The following SLC26A5 variants were observed in gnomAD, a reference collection of about 807,000 sequenced individuals.
SLC26A5 encodes the protein prestin.
Under a neutral mutation model 81.0 loss-of-function variants are expected in SLC26A5, and 51 were observed. The ratio of observed to expected loss-of-function variants is 0.63; its 90% CI spans 0.50 to 0.80. The LOEUF (loss-of-function observed/expected upper bound fraction) is 0.80, where lower values mean the gene tolerates loss of function less well. Among genes scored for constraint, SLC26A5 ranks in the 30% least tolerant of loss-of-function variants. SLC26A5 has a pLI of 0.00. For synonymous variants in SLC26A5, 325 were observed against 332.8 expected (o/e 0.98, Z 0.25); for missense variants, 771 against 905.8 (o/e 0.85, Z 1.91).
intron 19 of SLC26A5, chr7:103,362,271 GCTGACTCCCCTACTCCCA>G: frequency 7.1e-7 from 1 of 1,412,250 alleles, no homozygotes; most frequent in Non-Finnish European, 9.2e-7. Context: ...CATCGGCTTC[GCTGACTCCCCTACTCCCA>G]CTGTTGTTTA....
chr7:103,412,183 T>C (rs1307625440), intron 5 of SLC26A5, among the ~76,000 whole-genome samples: 2 of 152,212 alleles, frequency 1.3e-5, no homozygotes, highest in Non-Finnish European at 2.9e-5. Flanking sequence ...AGCTGCTACA[T>C]TTTGGGGGTA....
chr7:103,410,304 G>T, intron 7 of SLC26A5, 81 bp downstream of exon 7: 3 of 1,236,016 alleles, frequency 2.4e-6, no homozygotes, highest in African/African-American at 1.5e-5. Context: ...AATGAGTCTT[G>T]AAAGTAAAAA....
intron 19 of SLC26A5, among the ~76,000 whole-genome samples, chr7:103,359,743 T>G (rs1313094301): frequency 6.6e-6 from 1 of 152,206 alleles, no homozygotes; most frequent in South Asian, 2.1e-4. Context: ...TCTTTAGATA[T>G]GGTTTCCTTT....
intron 2 of SLC26A5, among the ~76,000 whole-genome samples, chr7:103,434,409 C>A (rs1826299449): frequency 6.6e-6 from 1 of 152,050 alleles, no homozygotes; most frequent in Admixed American, 6.5e-5. Flanking sequence ...AATTTTGTAA[C>A]AATTGTATCT....
intron 8 of SLC26A5, among the ~76,000 whole-genome samples, chr7:103,407,172 T>C (rs1287374026): frequency 6.6e-6 from 1 of 152,176 alleles, no homozygotes; most frequent in Non-Finnish European, 1.5e-5. Context: ...TGTTCAGTGG[T>C]TGCTGTGATG....
At chr7:103,385,754 G>A (rs1586234143) in intron 14 of SLC26A5, among the ~76,000 whole-genome samples, 4 of 146,228 alleles carry the variant, frequency 2.7e-5, no homozygotes, top group East Asian at 4.0e-4. Flanking sequence ...AGGCTGGAGC[G>A]CAGGAGTGCC....
At chr7:103,422,137 T>C (rs1436829538) in intron 2 of SLC26A5, among the ~76,000 whole-genome samples, 1 of 152,218 alleles carries the variant, frequency 6.6e-6, no homozygotes, top group African/African-American at 2.4e-5. Context: ...GTTGATTACA[T>C]TGTCATGTTT....
intron 1 of SLC26A5, chr7:103,445,673 G>A (rs957838848): frequency 3.3e-5 from 5 of 152,412 alleles, no homozygotes; most frequent in African/African-American, 1.2e-4. Flanking sequence ...GGAGGAGGCA[G>A]GGCCCGTCTC....
intron 2 of SLC26A5, among the ~76,000 whole-genome samples, chr7:103,431,868 T>C (rs1826106408): frequency 1.6e-5 from 1 of 63,606 alleles, no homozygotes. Flanking sequence ...TTATATGGCT[T>C]TTTTTTTTTA....
At chr7:103,394,805 C>T (rs1039120376) in intron 9 of SLC26A5, among the ~76,000 whole-genome samples, 2 of 152,168 alleles carry the variant, frequency 1.3e-5, no homozygotes, top group African/African-American at 4.8e-5. Context: ...TATATTTGGG[C>T]TGGCCTCGTG....
At chr7:103,429,412 T>A (rs1825911846) in intron 2 of SLC26A5, among the ~76,000 whole-genome samples, 1 of 152,142 alleles carries the variant, frequency 6.6e-6, no homozygotes, top group African/African-American at 2.4e-5. Context: ...CAAAAATAAA[T>A]TTTACTATGA....
In SLC26A5 at chr7:103,440,173, T is replaced by A. The variant is rs1487810310; in HGVS notation, c.-54+2910A>T. 3.3e-5 allele frequency among the ~76,000 whole-genome samples: 5 copies of A among 152,278 alleles called. No homozygotes were observed. The East Asian group carries it at 5.8e-4, about 18-fold the overall frequency. ...AGGGGCATAGGGGGAACTCATTAGATATTTGTTGGATAATGAGTGACTCTA... is the reference window on the plus strand; with the variant it reads ...AGGGGCATAGGGGGAACTCATTAGAAATTTGTTGGATAATGAGTGACTCTA... On this transcript the variant is annotated intron_variant, in intron 2 of 19. Transcript: ENST00000306312.
At chr7:103,366,107 T>C in intron 19 of SLC26A5, 1 of 1,614,016 alleles carries the variant, frequency 6.2e-7, no homozygotes, top group Non-Finnish European at 8.5e-7. Context: ...CTCTTTGAAA[T>C]GGCCAGAACA....
chr7:103,423,492 A>G (rs1388816548), intron 2 of SLC26A5, among the ~76,000 whole-genome samples: 1 of 152,176 alleles, frequency 6.6e-6, no homozygotes, highest in Non-Finnish European at 1.5e-5. Context: ...CTTAACCCCC[A>G]ATACAAGAGT....
chr7:103,398,797 C>A (rs577373895), intron 8 of SLC26A5, among the ~76,000 whole-genome samples: 5 of 152,232 alleles, frequency 3.3e-5, no homozygotes, highest in African/African-American at 1.2e-4. Context: ...AGGGCCACTG[C>A]AGGAAACAAA....
chr7:103,398,997 C>T (rs981572895), intron 8 of SLC26A5, among the ~76,000 whole-genome samples: 11 of 152,002 alleles, frequency 7.2e-5, no homozygotes, highest in African/African-American at 2.4e-4. Flanking sequence ...GGCTCAAGCT[C>T]CTGGAGCTAT....
At chr7:103,362,201 A>T in intron 19 of SLC26A5, 1 of 1,534,580 alleles carries the variant, frequency 6.5e-7, no homozygotes, top group African/African-American at 1.4e-5. Flanking sequence ...ATACCAAAGG[A>T]TGATCTAGTA....
intron 9 of SLC26A5, among the ~76,000 whole-genome samples, chr7:103,396,587 T>A (rs1363105743): frequency 6.6e-6 from 1 of 152,056 alleles, no homozygotes; most frequent in Admixed American, 6.6e-5. Flanking sequence ...AAAAGACAAA[T>A]GCTGTATGAT....
chr7:103,374,117 T>A, downstream of SLC26A5: 1 of 1,082,502 alleles, frequency 9.2e-7, no homozygotes, highest in African/African-American at 1.6e-5. Flanking sequence ...AATACTTGAC[T>A]GAAATAAATT....
Sources: allele counts gnomAD v4.1 joint callset (sites outside exome capture counted in the v4.1 genomes callset), GRCh38; gene constraint gnomAD v4.1.1; transcripts MANE v1.5; gene names NCBI Gene and HGNC (gene_info 2026-07-23, HGNC 2026-07-21).